The following MICU2 variants were observed in gnomAD, a reference collection of about 807,000 sequenced individuals.
The protein encoded by MICU2 is mitochondrial calcium uptake 2, also known as calcium uptake protein 2, mitochondrial.
A neutral mutation model predicts 60.4 loss-of-function variants in MICU2; 64 were observed. The observed-to-expected ratio is 1.06, with a 90% CI of 0.87 to 1.31. MICU2 has a LOEUF of 1.31. MICU2 is among the 50% of genes most tolerant of loss of function. The pLI, the probability that MICU2 is intolerant of heterozygous loss-of-function variation, is 0.00. For missense variants in MICU2, 569 were observed against 531.0 expected, an observed-to-expected ratio of 1.07 and a Z score of -0.70; for synonymous variants, 201 against 175.0, an observed-to-expected ratio of 1.15 and a Z score of -1.17.
At chr13:21,525,023 T>C (rs541767581) in intron 4 of MICU2, among the ~76,000 whole-genome samples, 1 of 152,298 alleles carries the variant, frequency 6.6e-6, no homozygotes, top group East Asian at 1.9e-4. Flanking sequence ...ACTCACCTGC[T>C]GATGGACATT....
chr13:21,555,002 A>C (rs1329210012), intron 2 of MICU2, among the ~76,000 whole-genome samples: 1 of 152,216 alleles, frequency 6.6e-6, no homozygotes, highest in Admixed American at 6.5e-5. Flanking sequence ...GACCAATAAC[A>C]GGCTCTGAAA....
intron 1 of MICU2, among the ~76,000 whole-genome samples, chr13:21,575,184 T>C (rs113376284): frequency 0.016 from 2,425 of 152,064 alleles, 63 homozygotes; most frequent in African/African-American, 0.056. Flanking sequence ...CATACACACA[T>C]AATTTTTTTT....
At chr13:21,545,000 T>TC (rs1203694661) in intron 2 of MICU2, among the ~76,000 whole-genome samples, 1 of 152,086 alleles carries the variant, frequency 6.6e-6, no homozygotes, top group Non-Finnish European at 1.5e-5. Context: ...CTAGAACATA[T>TC]ACTACTATGG....
intron 7 of MICU2, among the ~76,000 whole-genome samples, chr13:21,511,813 ATT>A (rs71202420): frequency 6.2e-5 from 9 of 145,368 alleles, no homozygotes; most frequent in African/African-American, 2.0e-4. Flanking sequence ...AGGAACTGGC[ATT>A]TTTTTTTTTT....
chr13:21,534,928 A>G (rs1347653856), intron 4 of MICU2, among the ~76,000 whole-genome samples: 2 of 152,184 alleles, frequency 1.3e-5, no homozygotes, highest in Non-Finnish European at 2.9e-5. Flanking sequence ...GCTGTTTAGC[A>G]GGGAGCAGGA....
In MICU2 at chr13:21,560,625, C is replaced by A. The variant is rs975527851; in HGVS notation, c.358+6172G>T. Among the ~76,000 whole-genome samples, 323 of 91,262 alleles carry A rather than the reference C, an allele frequency of 3.5e-3. 1 individual carries two copies. The highest frequency in any genetic ancestry group is 0.012 in the African/African-American group (311 of 25,728). The allele number at this position is 91,262 out of a possible 152,430, so 59.9% of individuals were successfully genotyped here. On this transcript the variant is annotated intron_variant, in intron 2 of 11. Transcript: ENST00000382374. ...ATTTTCAAATCAGCTTGTCAAAAAA[C>A]ACACACACACACACACACACGTGTG...
At chr13:21,579,134 A>G (rs994317562) in intron 1 of MICU2, among the ~76,000 whole-genome samples, 1 of 152,230 alleles carries the variant, frequency 6.6e-6, no homozygotes, top group Non-Finnish European at 1.5e-5. Flanking sequence ...CTTACAGGAA[A>G]TGAGCAAAGA....
intron 2 of MICU2, among the ~76,000 whole-genome samples, chr13:21,551,076 C>CATG (rs1320267364): frequency 1.3e-5 from 2 of 152,358 alleles, no homozygotes; most frequent in African/African-American, 2.4e-5. Flanking sequence ...CATGTCCTAA[C>CATG]ATGCCACCTG....
chr13:21,519,214 G>T lies in MICU2; in HGVS notation c.597+2031C>A, dbSNP rs182321667. On this transcript the variant is annotated intron_variant, in intron 6 of 11. Coordinates refer to ENST00000382374, the MANE Select transcript of MICU2 (RefSeq NM_152726.3). The stretch of plus-strand genomic sequence containing the variant: ...TGAGATTACAGGCATACGCCACCAC[G>T]CCCGGCTAATTTTTTGTATTTTTAG... Among the ~76,000 whole-genome samples, 148 of 152,086 alleles carry T rather than the reference G, an allele frequency of 9.7e-4. 1 individual carries two copies. The highest frequency in any genetic ancestry group is 3.5e-3 in the African/African-American group (146 of 41,484).
chr13:21,599,110 A>C (rs957843229), intron 1 of MICU2, among the ~76,000 whole-genome samples: 2 of 152,330 alleles, frequency 1.3e-5, no homozygotes, highest in South Asian at 2.1e-4. Flanking sequence ...GTTGCATCCC[A>C]AAACCACCCC....
chr13:21,496,013 A>T, intron 10 of MICU2, 39 bp downstream of exon 10: 1 of 1,424,012 alleles, frequency 7.0e-7, no homozygotes, highest in Non-Finnish European at 9.8e-7. Context: ...AAAACTGTTT[A>T]TAGATGATAA....
chr13:21,526,606 GA>G (rs1486229856), intron 4 of MICU2, among the ~76,000 whole-genome samples: 1 of 151,942 alleles, frequency 6.6e-6, no homozygotes, highest in Non-Finnish European at 1.5e-5. Context: ...CAAAAGTTTA[GA>G]AAAATGTGCA....
At chr13:21,576,093 G>A (rs930785469) in intron 1 of MICU2, among the ~76,000 whole-genome samples, 3 of 152,188 alleles carry the variant, frequency 2.0e-5, no homozygotes, top group Non-Finnish European at 2.9e-5. Flanking sequence ...AAATGTGTAT[G>A]TTCCACGAGG....
chr13:21,548,038 A>G (rs755421492), intron 2 of MICU2, among the ~76,000 whole-genome samples: 1 of 152,240 alleles, frequency 6.6e-6, no homozygotes, highest in Non-Finnish European at 1.5e-5. Context: ...AGCATTATTT[A>G]TAACAGTGAA....
At chr13:21,495,104 G>C (rs1200475945) in intron 11 of MICU2, 57 bp downstream of exon 11, 5 of 1,390,812 alleles carry the variant, frequency 3.6e-6, no homozygotes, top group Non-Finnish European at 4.8e-6. Flanking sequence ...CCAAATTCTA[G>C]GTTTAATATC....
intron 2 of MICU2, among the ~76,000 whole-genome samples, chr13:21,543,108 C>A (rs1312177605): frequency 6.6e-6 from 1 of 152,164 alleles, no homozygotes; most frequent in Non-Finnish European, 1.5e-5. Context: ...GCTGATTATA[C>A]TCTAATACAT....
At chr13:21,540,748 C>G (rs560393868) in intron 2 of MICU2, among the ~76,000 whole-genome samples, 33 of 152,082 alleles carry the variant, frequency 2.2e-4, no homozygotes, top group Non-Finnish European at 4.0e-4. Context: ...TATGTGCCAG[C>G]CAAAGACAAA....
At chr13:21,578,643 G>T in intron 1 of MICU2, among the ~76,000 whole-genome samples, 1 of 152,004 alleles carries the variant, frequency 6.6e-6, no homozygotes, top group East Asian at 1.9e-4. Flanking sequence ...GCAAAAGTGG[G>T]TTATGCTGAT....
intron 7 of MICU2, among the ~76,000 whole-genome samples, chr13:21,512,510 C>T (rs987382520): frequency 3.2e-4 from 46 of 143,842 alleles, no homozygotes; most frequent in African/African-American, 1.1e-3. Flanking sequence ...TGCAGTGGCT[C>T]GATCTCGGCT....
Sources: gnomAD v4.1 joint callset for allele counts (sites outside exome capture counted in the v4.1 genomes callset) on GRCh38, gnomAD v4.1.1 for gene constraint, MANE v1.5 for transcripts, NCBI Gene and HGNC (gene_info 2026-07-23, HGNC 2026-07-21) for gene names.